The following SGCZ variants were observed in gnomAD, a reference collection of about 807,000 sequenced individuals.
SGCZ encodes sarcoglycan zeta.
SGCZ carries 40 observed loss-of-function variants against 41.3 expected under a neutral mutation model. The ratio of observed to expected loss-of-function variants is 0.97; its 90% CI spans 0.75 to 1.26. SGCZ has a LOEUF of 1.26. Among genes scored for constraint, SGCZ ranks in the 50% most tolerant of loss-of-function variants. The pLI, the probability that SGCZ is intolerant of heterozygous loss-of-function variation, is 0.00. For synonymous variants in SGCZ, 206 were observed against 137.5 expected (o/e 1.50, Z -3.49); for missense variants, 552 against 369.8 (o/e 1.49, Z -4.04).
At chr8:15,017,180 A>G (rs1238849896) in intron 1 of SGCZ, among the ~76,000 whole-genome samples, 2 of 152,200 alleles carry the variant, frequency 1.3e-5, no homozygotes, top group East Asian at 1.9e-4. Flanking sequence ...CAGTAGATAC[A>G]TTTTTTAACC....
intron 1 of SGCZ, among the ~76,000 whole-genome samples, chr8:14,675,031 C>T (rs1036881428): frequency 1.4e-5 from 2 of 147,916 alleles, no homozygotes; most frequent in African/African-American, 2.5e-5. Flanking sequence ...CTCTGCCTCC[C>T]GGGTTCACGC....
intron 1 of SGCZ, among the ~76,000 whole-genome samples, chr8:15,147,702 T>C (rs1234085505): frequency 6.6e-6 from 1 of 152,112 alleles, no homozygotes; most frequent in African/African-American, 2.4e-5. Context: ...CAGATAAGAC[T>C]GAGAGGAGGG....
intron 1 of SGCZ, among the ~76,000 whole-genome samples, chr8:15,069,251 C>T (rs1805264538): frequency 6.6e-6 from 1 of 151,964 alleles, no homozygotes; most frequent in Non-Finnish European, 1.5e-5. Context: ...CCAGGTTGGT[C>T]TCAAACTCTT....
intron 1 of SGCZ, among the ~76,000 whole-genome samples, chr8:15,142,214 A>C (rs980337037): frequency 3.3e-5 from 5 of 152,150 alleles, no homozygotes; most frequent in African/African-American, 1.2e-4. Flanking sequence ...TTTAGGGTCT[A>C]AGATTTTATT....
intron 1 of SGCZ, among the ~76,000 whole-genome samples, chr8:14,671,781 A>T (rs1808110791): frequency 1.3e-5 from 2 of 152,140 alleles, no homozygotes; most frequent in Non-Finnish European, 2.9e-5. Flanking sequence ...AACAAACAAA[A>T]CAATTTTTTC....
At chr8:15,163,693 G>C (rs928022106) in intron 1 of SGCZ, among the ~76,000 whole-genome samples, 1 of 152,062 alleles carries the variant, frequency 6.6e-6, no homozygotes, top group African/African-American at 2.4e-5. Context: ...GCATACTTTT[G>C]TACTATTGAT....
At chr8:15,093,498 A>T (rs7838267) in intron 1 of SGCZ, among the ~76,000 whole-genome samples, 33 of 152,138 alleles carry the variant, frequency 2.2e-4, no homozygotes, top group African/African-American at 7.5e-4. Context: ...TGCTTAGAAA[A>T]GGGTCTCATT....
intron 1 of SGCZ, among the ~76,000 whole-genome samples, chr8:14,803,404 T>G (rs550858726): frequency 7.2e-5 from 11 of 152,190 alleles, no homozygotes; most frequent in African/African-American, 2.4e-4. Context: ...GGTGAGGCAT[T>G]GCCTCACTCG....
chr8:14,658,672 C>G (rs1807652717), intron 1 of SGCZ, among the ~76,000 whole-genome samples: 1 of 152,134 alleles, frequency 6.6e-6, no homozygotes, highest in Non-Finnish European at 1.5e-5. Flanking sequence ...ATACCACTCT[C>G]CTTCTTTACT....
intron 1 of SGCZ, among the ~76,000 whole-genome samples, chr8:14,746,833 A>G (rs1055921389): frequency 6.6e-6 from 1 of 152,160 alleles, no homozygotes; most frequent in Non-Finnish European, 1.5e-5. Context: ...AAATGAATTC[A>G]ATGTATACAG....
At chr8:14,853,220 G>A (rs1803404259) in intron 1 of SGCZ, among the ~76,000 whole-genome samples, 1 of 152,284 alleles carries the variant, frequency 6.6e-6, no homozygotes, top group South Asian at 2.1e-4. Flanking sequence ...GTATAAAAAT[G>A]TTAAAGAGTG....
intron 3 of SGCZ, among the ~76,000 whole-genome samples, chr8:14,269,828 T>C (rs1372527216): frequency 6.6e-6 from 1 of 152,166 alleles, no homozygotes; most frequent in Non-Finnish European, 1.5e-5. Context: ...GCATACGTTT[T>C]TGCTTGATAT....
At chr8:14,144,647 C>T (rs1373865380) in intron 5 of SGCZ, among the ~76,000 whole-genome samples, 1 of 152,148 alleles carries the variant, frequency 6.6e-6, no homozygotes, top group African/African-American at 2.4e-5. Context: ...ATCAGCATTG[C>T]CACATGGGTG....
At chr8:15,236,519 G>A (rs1168506457) in intron 1 of SGCZ, among the ~76,000 whole-genome samples, 1 of 152,154 alleles carries the variant, frequency 6.6e-6, no homozygotes, top group South Asian at 2.1e-4. Context: ...CGTACCAAAT[G>A]CCTAGGGGTA....
intron 1 of SGCZ, among the ~76,000 whole-genome samples, chr8:15,133,697 T>C (rs1271279703): frequency 6.6e-6 from 1 of 152,160 alleles, no homozygotes; most frequent in African/African-American, 2.4e-5. Context: ...TTAACAAAAA[T>C]GACAACAGTA....
intron 1 of SGCZ, among the ~76,000 whole-genome samples, chr8:14,778,602 G>C (rs1800485862): frequency 6.6e-6 from 1 of 152,070 alleles, no homozygotes; most frequent in South Asian, 2.1e-4. Context: ...CTATGTTACG[G>C]ATATATAAAA....
chr8:14,521,978 A>T (rs1387524316), intron 2 of SGCZ, among the ~76,000 whole-genome samples: 1 of 152,110 alleles, frequency 6.6e-6, no homozygotes, highest in African/African-American at 2.4e-5. Context: ...TGTGTGCAGA[A>T]ATTTTAAAAT....
At chr8:15,159,753 C>CCA (rs1491475810) in intron 1 of SGCZ, among the ~76,000 whole-genome samples, 8 of 35,258 alleles carry the variant, frequency 2.3e-4, no homozygotes, top group South Asian at 2.4e-3. Flanking sequence ...CTCCCCCCCA[C>CCA]CCCCGCCACA....
chr8:14,134,059 A>C (rs530040048), intron 5 of SGCZ, among the ~76,000 whole-genome samples: 1 of 152,322 alleles, frequency 6.6e-6, no homozygotes, highest in African/African-American at 2.4e-5. Flanking sequence ...ATGATGTATA[A>C]AAATGTTATT....
Sources: allele counts gnomAD v4.1 joint callset (sites outside exome capture counted in the v4.1 genomes callset), GRCh38; gene constraint gnomAD v4.1.1; transcripts MANE v1.5; gene names NCBI Gene and HGNC (gene_info 2026-07-23, HGNC 2026-07-21).